POU3F3: variants seen among roughly 807,000 people sequenced by gnomAD.
The protein encoded by POU3F3 is POU domain, class 3, transcription factor 3.
A neutral mutation model predicts 8.6 loss-of-function variants in POU3F3; 1 was observed. The ratio of observed to expected loss-of-function variants is 0.12; its 90% CI spans 0.04 to 0.55. POU3F3 has a LOEUF of 0.55. Ranked by LOEUF, POU3F3 falls within the 20% of genes least tolerant of loss-of-function variation. POU3F3 has a pLI of 0.91. For missense variants in POU3F3, 577 were observed against 690.7 expected, an observed-to-expected ratio of 0.84 and a Z score of 1.84; for synonymous variants, 418 against 327.4, an observed-to-expected ratio of 1.28 and a Z score of -2.99.
At chr2:104,881,839 C>T in the POU3F3 span, among the ~76,000 whole-genome samples, 1 of 152,166 alleles carries the variant, frequency 6.6e-6, no homozygotes, top group South Asian at 2.1e-4. Context: ...GAGAACTCTC[C>T]CTCGGCCTCA....
the POU3F3 span, among the ~76,000 whole-genome samples, chr2:104,898,104 T>G: frequency 6.6e-6 from 1 of 151,842 alleles, no homozygotes; most frequent in Admixed American, 6.6e-5. Context: ...CCCTTGTGAG[T>G]GTCGTGAATG....
chr2:104,856,130 C>G lies in POU3F3; in HGVS notation c.620C>G (p.Pro207Arg). The G allele has an allele frequency of 8.3e-7, 1 of 1,201,578 alleles. No homozygotes were observed. The highest frequency in any genetic ancestry group is 1.0e-6 in the Non-Finnish European group (1 of 969,268). 74.4% of individuals were successfully genotyped at this position (1,201,578 alleles called of 1,614,324 possible). ...GCCGCCGCCGCCGCCGCGCACCTCC[C>G]GTCCATGGCCGGGGGCCAGCAGCCG... ...AAAAAAAAHLPSMAGGQQPPP... is the reference protein window; with the variant it reads ...AAAAAAAAHLRSMAGGQQPPP... The change falls in exon 1 of 1, where the codon CCG (proline) becomes CGG (arginine). Residue 207 changes from proline (P) to arginine (R), a missense_variant. Coordinates refer to ENST00000361360, the MANE Select transcript of POU3F3 (RefSeq NM_006236.3).
downstream of POU3F3, among the ~76,000 whole-genome samples, chr2:104,860,541 CT>C (rs1297285213): frequency 7.2e-5 from 11 of 152,072 alleles, no homozygotes; most frequent in African/African-American, 9.7e-5. Flanking sequence ...CCAACCCCCC[CT>C]CCCCTTCCAA....
At chr2:104,903,808 T>C in the POU3F3 span, among the ~76,000 whole-genome samples, 1 of 152,248 alleles carries the variant, frequency 6.6e-6, no homozygotes, top group East Asian at 1.9e-4. Flanking sequence ...CTACGGGTTC[T>C]TGCAGGAAGA....
At position 104,855,316 on chromosome 2, in the gene POU3F3, G is replaced by GGGCGGAGGCGGC. The variant is rs1349001197; in HGVS notation, c.-186_-175dup. On this transcript the variant is annotated 5_prime_UTR_variant, in exon 1 of 1. Coordinates refer to ENST00000361360, the MANE Select transcript of POU3F3 (RefSeq NM_006236.3). ...GCCGCGGCGGCGGCGGCGGCGGCGG[G>GGGCGGAGGCGGC]GGCGGAGGCGGCGGCGGAGGAGGAG... Among the ~76,000 whole-genome samples the GGGCGGAGGCGGC allele has an allele frequency of 7.3e-6, 1 of 137,598 alleles. No homozygotes were observed. The highest frequency in any genetic ancestry group is 1.6e-5 in the Non-Finnish European group (1 of 62,478). 90.3% of individuals were successfully genotyped at this position (137,598 alleles called of 152,430 possible). A position where few individuals can be genotyped will look rare whatever the true frequency, so the allele number is the denominator to read the frequency against.
chr2:104,854,122 A>AGTCC lies in POU3F3; in HGVS notation c.-1388_-1385dup, dbSNP rs1310752296. Among the ~76,000 whole-genome samples the AGTCC allele has an allele frequency of 6.6e-6, 1 of 152,156 alleles. No individual in the cohort carries two copies. The highest frequency in any genetic ancestry group is 1.5e-5 in the Non-Finnish European group (1 of 68,016). On this transcript the variant is annotated 5_prime_UTR_variant, in exon 1 of 1. Transcript: ENST00000361360. The surrounding 1 kb of genome is among the most constrained non-coding windows in gnomAD (Gnocchi z 4.5). ...TCGCGGCGGAGGGTAAACATTCGAC[A>AGTCC]GTCCCCGCTCTGAGAGGGAGGGACA...
chr2:104,892,160 C>A, the POU3F3 span, among the ~76,000 whole-genome samples: 1 of 152,152 alleles, frequency 6.6e-6, no homozygotes, highest in Admixed American at 6.5e-5. Context: ...GTACCCTTCA[C>A]CTAGCAAGTG....
the POU3F3 span, among the ~76,000 whole-genome samples, chr2:104,889,213 G>T: frequency 6.6e-6 from 1 of 152,306 alleles, no homozygotes; most frequent in South Asian, 2.1e-4. Context: ...CTAAGAGCCG[G>T]GTCCTTGACA....
chr2:104,890,889 G>A, the POU3F3 span, among the ~76,000 whole-genome samples: 14 of 152,266 alleles, frequency 9.2e-5, no homozygotes, highest in African/African-American at 2.4e-4. Context: ...AGGCAGAGTC[G>A]GGATGACTAC....
chr2:104,924,888 A>G, the POU3F3 span, among the ~76,000 whole-genome samples: 1 of 152,178 alleles, frequency 6.6e-6, no homozygotes, highest in Non-Finnish European at 1.5e-5. Flanking sequence ...TCCTTTGTGA[A>G]TCTAGGGTAT....
the POU3F3 span, among the ~76,000 whole-genome samples, chr2:104,897,558 G>A: frequency 6.6e-6 from 1 of 152,132 alleles, no homozygotes; most frequent in Non-Finnish European, 1.5e-5. Context: ...CCACTTAGTG[G>A]TGAGTGGCAC....
the POU3F3 span, among the ~76,000 whole-genome samples, chr2:104,873,310 C>T: frequency 6.6e-6 from 1 of 152,210 alleles, no homozygotes; most frequent in Non-Finnish European, 1.5e-5. Flanking sequence ...GCTGCTTGAG[C>T]CCGCGGCCGG....
At chr2:104,859,553 C>T (rs927613175), downstream of POU3F3, among the ~76,000 whole-genome samples, 2 of 152,180 alleles carry the variant, frequency 1.3e-5, no homozygotes, top group Admixed American at 1.3e-4. Context: ...CTCTCATCTT[C>T]ACTCCCTCTC....
At chr2:104,881,557 G>A in the POU3F3 span, among the ~76,000 whole-genome samples, 9 of 151,912 alleles carry the variant, frequency 5.9e-5, no homozygotes, top group East Asian at 7.7e-4. Flanking sequence ...CTCTGTCTCC[G>A]TCTCTCTCCC....
the POU3F3 span, among the ~76,000 whole-genome samples, chr2:104,926,299 T>G: frequency 1.3e-5 from 2 of 152,098 alleles, no homozygotes; most frequent in Non-Finnish European, 1.5e-5. Context: ...GTGAAGGATA[T>G]GAACAGACAC....
the POU3F3 span, among the ~76,000 whole-genome samples, chr2:104,871,573 C>T: frequency 2.8e-4 from 43 of 152,300 alleles, no homozygotes; most frequent in African/African-American, 1.0e-3. Flanking sequence ...GTGGTGCAGT[C>T]AGTAAACGGA....
In POU3F3 at chr2:104,855,299, G is replaced by A. The variant is rs1219036057; in HGVS notation, c.-212G>A. On this transcript the variant is annotated 5_prime_UTR_variant, in exon 1 of 1. Coordinates refer to ENST00000361360, the MANE Select transcript of POU3F3 (RefSeq NM_006236.3). ...TGCAGCTGCAGCCGGGGGCCGCGGC[G>A]GCGGCGGCGGCGGCGGGGGCGGAGG... 1.4e-5 allele frequency among the ~76,000 whole-genome samples: 2 copies of A among 146,676 alleles called. No individual in the cohort carries two copies. The highest frequency in any genetic ancestry group is 2.5e-5 in the African/African-American group (1 of 40,798).
chr2:104,903,161 T>A, the POU3F3 span, among the ~76,000 whole-genome samples: 1,028 of 152,316 alleles, frequency 6.7e-3, 12 homozygotes, highest in African/African-American at 0.024. Flanking sequence ...CTCAACTACC[T>A]CAACATTTCT....
At chr2:104,867,055 C>T in the POU3F3 span, 1 of 152,222 alleles carries the variant, frequency 6.6e-6, no homozygotes, top group Non-Finnish European at 1.5e-5. The surrounding 1 kb of genome is among the most constrained non-coding windows in gnomAD (Gnocchi z 5.0). Context: ...GCTGTGCCCA[C>T]CGCAGTCGCC....
Sources: allele counts gnomAD v4.1 joint callset (sites outside exome capture counted in the v4.1 genomes callset), GRCh38; gene constraint gnomAD v4.1.1; non-coding constraint Gnocchi (gnomAD v3.1); transcripts MANE v1.5; gene names NCBI Gene and HGNC (gene_info 2026-07-23, HGNC 2026-07-21).